The following BMPR1B variants were observed in gnomAD, a reference collection of about 807,000 sequenced individuals.
The protein encoded by BMPR1B is bone morphogenetic protein receptor type-1B.
A neutral mutation model predicts 59.1 loss-of-function variants in BMPR1B; 12 were observed. The observed-to-expected ratio is 0.20, with a 90% CI of 0.13 to 0.33. BMPR1B has a LOEUF of 0.33. Among genes scored for constraint, BMPR1B ranks in the 10% least tolerant of loss-of-function variants. The pLI is 1.00. For missense variants in BMPR1B, 550 were observed against 610.9 expected, an observed-to-expected ratio of 0.90 and a Z score of 1.05; for synonymous variants, 237 against 207.3, an observed-to-expected ratio of 1.14 and a Z score of -1.23.
chr4:94,882,148 A>G (rs916934573), intron 2 of BMPR1B, among the ~76,000 whole-genome samples: 2 of 151,984 alleles, frequency 1.3e-5, no homozygotes, highest in Non-Finnish European at 2.9e-5. Flanking sequence ...TTTTTTTTCC[A>G]TGGAAGGATA....
At chr4:95,138,452 T>G (rs542184936) in intron 10 of BMPR1B, among the ~76,000 whole-genome samples, 1 of 152,284 alleles carries the variant, frequency 6.6e-6, no homozygotes, top group East Asian at 1.9e-4. Flanking sequence ...GAATGTTGGC[T>G]TGCCTTGCTA....
chr4:95,002,913 T>G (rs1296718221), intron 3 of BMPR1B, among the ~76,000 whole-genome samples: 1 of 152,104 alleles, frequency 6.6e-6, no homozygotes, highest in African/African-American at 2.4e-5. Context: ...TTACCTTTTC[T>G]GTTATTTATA....
In BMPR1B at chr4:94,839,444, C is replaced by G. The variant is rs1350616670; in HGVS notation, c.-182-36387C>G. 2.7e-5 allele frequency among the ~76,000 whole-genome samples: 4 copies of G among 147,298 alleles called. No homozygotes were observed. In the East Asian group the frequency reaches 7.7e-4, roughly 28 times the overall value. Reference sequence around the variant, plus strand: ...ACTTGCTTTATGAATCTGGGTGCTCCTGTATTGGGTGCATATATATTTAGG... The same window carrying G: ...ACTTGCTTTATGAATCTGGGTGCTCGTGTATTGGGTGCATATATATTTAGG... On this transcript the variant is annotated intron_variant, in intron 1 of 12. Coordinates refer to ENST00000515059, the MANE Select transcript of BMPR1B (RefSeq NM_001203.3).
At chr4:94,975,368 T>TG (rs199666338) in intron 2 of BMPR1B, among the ~76,000 whole-genome samples, 1,483 of 132,922 alleles carry the variant, frequency 0.011, 26 homozygotes, top group African/African-American at 0.047. Flanking sequence ...TTTTTGTTTT[T>TG]TTTTTTTTTT....
intron 3 of BMPR1B, among the ~76,000 whole-genome samples, chr4:95,068,234 G>T (rs960804435): frequency 6.6e-6 from 1 of 152,166 alleles, no homozygotes; most frequent in East Asian, 1.9e-4. Flanking sequence ...CGTATTTCCC[G>T]TTTTCTCTAT....
intron 2 of BMPR1B, among the ~76,000 whole-genome samples, chr4:94,912,902 G>A (rs1285430789): frequency 6.6e-6 from 1 of 151,978 alleles, no homozygotes; most frequent in Admixed American, 6.6e-5. Context: ...GTAAAACTTG[G>A]ATTCATTCTT....
intron 3 of BMPR1B, among the ~76,000 whole-genome samples, chr4:95,077,704 G>A (rs563438317): frequency 7.5e-4 from 114 of 152,224 alleles, no homozygotes; most frequent in African/African-American, 2.4e-3. Flanking sequence ...TATCATGGAA[G>A]AACTGAGGTA....
At chr4:94,870,414 G>T (rs1726441133) in intron 1 of BMPR1B, among the ~76,000 whole-genome samples, 1 of 142,130 alleles carries the variant, frequency 7.0e-6, no homozygotes, top group South Asian at 2.1e-4. Context: ...ACTTGTGGTA[G>T]AGAACATCTT....
intron 8 of BMPR1B, among the ~76,000 whole-genome samples, chr4:95,127,044 C>CTGTGTGTGTGTGTGTGTGTGTGTGTG (rs6148578): frequency 2.5e-4 from 37 of 146,466 alleles, no homozygotes; most frequent in Non-Finnish European, 3.3e-4. Flanking sequence ...AGAATTAAGA[C>CTGTGTGTGTGTGTGTGTGTGTGTGTG]TGTGTGTGTG....
At chr4:94,983,539 A>G (rs748085115) in intron 2 of BMPR1B, among the ~76,000 whole-genome samples, 10 of 152,252 alleles carry the variant, frequency 6.6e-5, no homozygotes, top group Non-Finnish European at 1.5e-4. Flanking sequence ...ATGAATGTCA[A>G]CAGGCAGAGA....
chr4:95,135,303 C>T (rs990321954), intron 10 of BMPR1B, among the ~76,000 whole-genome samples: 3 of 152,158 alleles, frequency 2.0e-5, no homozygotes, highest in Non-Finnish European at 4.4e-5. Flanking sequence ...TGTGATGCCT[C>T]CAGCTTTGTT....
At chr4:94,791,793 CTCTT>C (rs1295807625) in intron 1 of BMPR1B, among the ~76,000 whole-genome samples, 1 of 152,076 alleles carries the variant, frequency 6.6e-6, no homozygotes, top group Admixed American at 6.6e-5. Flanking sequence ...TAACCTTTCC[CTCTT>C]TCTTCCTTAC....
At position 94,929,433 on chromosome 4, in the gene BMPR1B, A is replaced by G. The variant is rs114685433; in HGVS notation, c.-113+53533A>G. 7.5e-3 allele frequency among the ~76,000 whole-genome samples: 1,140 copies of G among 152,168 alleles called. 13 individuals are homozygous for G. Among genetic ancestry groups the G allele is most frequent in the African/African-American group, 0.026 (1,072 of 41,532 alleles). ...CTGCTAAAACTCTTTTGCAAATGTC[A>G]TGAATTACTTCTTTGCAAAATTTAA... On this transcript the variant is annotated intron_variant, in intron 2 of 12. Transcript: ENST00000515059.
At chr4:94,804,577 T>C (rs1180202373) in intron 1 of BMPR1B, among the ~76,000 whole-genome samples, 2 of 149,748 alleles carry the variant, frequency 1.3e-5, no homozygotes, top group Admixed American at 1.4e-4. Context: ...TTCATATAAC[T>C]TTCTTTGTAA....
At chr4:95,049,479 T>G (rs1726297073) in intron 3 of BMPR1B, among the ~76,000 whole-genome samples, 4 of 125,852 alleles carry the variant, frequency 3.2e-5, no homozygotes, top group Non-Finnish European at 4.8e-5. Context: ...TTGCAGTTCA[T>G]ATATTCCAAA....
At chr4:94,907,932 C>T (rs1418456637) in intron 2 of BMPR1B, among the ~76,000 whole-genome samples, 2 of 150,950 alleles carry the variant, frequency 1.3e-5, no homozygotes, top group Non-Finnish European at 1.5e-5. Context: ...CACCTGTATT[C>T]GCAGATATTT....
chr4:94,898,283 G>A (rs1179963174), intron 2 of BMPR1B, among the ~76,000 whole-genome samples: 5 of 151,938 alleles, frequency 3.3e-5, no homozygotes, highest in African/African-American at 1.2e-4. Flanking sequence ...GATTTTAAAT[G>A]TAGTTTAAAT....
At chr4:95,001,831 A>G (rs1477932751) in intron 3 of BMPR1B, among the ~76,000 whole-genome samples, 3 of 152,246 alleles carry the variant, frequency 2.0e-5, no homozygotes, top group African/African-American at 7.2e-5. Context: ...GTTATATTCT[A>G]GTAAGTTTTT....
rs188075113 is a variant in BMPR1B, at chr4:95,098,759, C to G, written c.-17-5649C>G. ...TGAGACAGAGTCTCATTCTGTCACC[C>G]AGGCTGGAGTGCAGTGGCGCGATCT... On this transcript the variant is annotated intron_variant, in intron 3 of 12. Transcript: ENST00000515059. Among the ~76,000 whole-genome samples, 310 of 152,190 alleles carry G rather than the reference C, an allele frequency of 2.0e-3. 1 individual carries two copies. The highest frequency in any genetic ancestry group is 7.2e-3 in the African/African-American group (301 of 41,534).
Sources: gnomAD v4.1 joint callset for allele counts (sites outside exome capture counted in the v4.1 genomes callset) on GRCh38, gnomAD v4.1.1 for gene constraint, MANE v1.5 for transcripts, NCBI Gene and HGNC (gene_info 2026-07-23, HGNC 2026-07-21) for gene names.